SLC9A7: variants seen among roughly 807,000 people sequenced by gnomAD.
SLC9A7 encodes the protein sodium/hydrogen exchanger 7.
Under a neutral mutation model 52.6 loss-of-function variants are expected in SLC9A7, and 19 were observed. The observed-to-expected ratio is 0.36, with a 90% CI of 0.25 to 0.53. The LOEUF (loss-of-function observed/expected upper bound fraction) is 0.53. SLC9A7 is among the 20% of genes least tolerant of loss of function. SLC9A7 has a pLI of 0.91. For missense variants in SLC9A7, 455 were observed against 597.9 expected (o/e 0.76, Z 2.49); for synonymous variants, 226 against 252.1 (o/e 0.90, Z 0.98).
At chrX:46,679,351 T>C (rs1282649083) in intron 3 of SLC9A7, among the ~76,000 whole-genome samples, 1 of 112,786 alleles carries the variant, frequency 8.9e-6, no homozygotes, top group Non-Finnish European at 1.9e-5. Context: ...TGTAGGTTTT[T>C]ACGTGAACAT....
In SLC9A7 at chrX:46,672,588, C is replaced by A. The variant is rs1304139481; in HGVS notation, c.643G>T (p.Ala215Ser). The change falls in exon 4 of 17, where the codon GCC (alanine) becomes TCC (serine). Residue 215 changes from alanine (A) to serine (S), a missense_variant. Around this residue, in one of 3 missense-constraint regions of SLC9A7, gnomAD observed 304 missense variants for 417.8 expected, o/e 0.73. Transcript: ENST00000616978. ...CATGAAACAGCAGTCCCCAAGAAGG[C>A]ATAGGCCAGTATAGATCCAAGATTT... ...FRNLGSILAY[A>S]FLGTAVSCFI... is the part of the protein sequence containing the mutation. 6 of 1,206,097 alleles carry A rather than the reference C, an allele frequency of 5.0e-6. No homozygotes were observed. In the Admixed American group the frequency reaches 1.3e-4, roughly 26 times the overall value.
At chrX:46,731,332 C>T (rs1945034580) in intron 1 of SLC9A7, among the ~76,000 whole-genome samples, 1 of 108,217 alleles carries the variant, frequency 9.2e-6, no homozygotes, top group Admixed American at 1.0e-4. Flanking sequence ...TGGCTTATGC[C>T]TGTAATCCCA....
chrX:46,677,266 G>A (rs913516699), intron 3 of SLC9A7, among the ~76,000 whole-genome samples: 1 of 111,796 alleles, frequency 8.9e-6, no homozygotes, highest in South Asian at 3.7e-4. Context: ...GCAGCTTTGC[G>A]CAGGCCCAAC....
intron 1 of SLC9A7, among the ~76,000 whole-genome samples, chrX:46,724,415 A>G (rs2146964343): frequency 8.9e-6 from 1 of 112,392 alleles, no homozygotes; most frequent in South Asian, 3.7e-4. Flanking sequence ...GAGTGGAGTT[A>G]TAGGCTAAAA....
chrX:46,640,545 T>C (rs1455004516), intron 12 of SLC9A7, among the ~76,000 whole-genome samples: 1 of 111,819 alleles, frequency 8.9e-6, no homozygotes. Context: ...AAAAAAATGA[T>C]AAATTATAAA....
At chrX:46,686,033 G>A (rs1018783002) in intron 1 of SLC9A7, among the ~76,000 whole-genome samples, 21 of 112,078 alleles carry the variant, frequency 1.9e-4, no homozygotes, top group African/African-American at 6.5e-4. Context: ...ACAAGAGAGG[G>A]TTTATATTTG....
chrX:46,662,236 T>C, intron 6 of SLC9A7, 79 bp from the exon 7 acceptor site: 2 of 924,564 alleles, frequency 2.2e-6, no homozygotes, highest in East Asian at 3.3e-5. Flanking sequence ...TCGACAAACA[T>C]AGGTCTATCT....
chrX:46,747,551 T>C (rs185050799), intron 1 of SLC9A7, among the ~76,000 whole-genome samples: 1 of 111,323 alleles, frequency 9.0e-6, no homozygotes, highest in African/African-American at 3.3e-5. Flanking sequence ...TTTTCCTACA[T>C]GATTAAAAAA....
At chrX:46,686,213 C>T (rs1276301401) in intron 1 of SLC9A7, among the ~76,000 whole-genome samples, 2 of 111,795 alleles carry the variant, frequency 1.8e-5, no homozygotes, top group Non-Finnish European at 3.8e-5. Context: ...AGGGAGACAG[C>T]GAAGGTGGTG....
intron 1 of SLC9A7, among the ~76,000 whole-genome samples, chrX:46,730,185 T>A (rs1240125728): frequency 9.0e-6 from 1 of 111,468 alleles, no homozygotes; most frequent in Non-Finnish European, 1.9e-5. Flanking sequence ...ACAATGTTGA[T>A]TTCTTACATT....
At chrX:46,615,466 G>A (rs1258208740) in intron 15 of SLC9A7, among the ~76,000 whole-genome samples, 1 of 110,315 alleles carries the variant, frequency 9.1e-6, no homozygotes, top group African/African-American at 3.3e-5. Context: ...GTTTTCTTGT[G>A]TCTTTGGCTC....
chrX:46,663,646 A>AGATTAATTAGATTTTATAAATTCC (rs1320195428), intron 5 of SLC9A7, among the ~76,000 whole-genome samples: 2 of 100,799 alleles, frequency 2.0e-5, no homozygotes, highest in Admixed American at 1.1e-4. Flanking sequence ...CTCAAAAAAA[A>AGATTAATTAGATTTTATAAATTCC]AAAAAAAAAA....
chrX:46,617,892 T>A (rs1942978889), intron 15 of SLC9A7, among the ~76,000 whole-genome samples: 1 of 111,925 alleles, frequency 8.9e-6, no homozygotes. Flanking sequence ...ATAGTCCACA[T>A]GGCTTGAAAA....
rs372101417 is a variant in SLC9A7, at chrX:46,667,384, G to GT, written c.793+2222dup. Among the ~76,000 whole-genome samples the GT allele has an allele frequency of 1.8e-3, 185 of 105,026 alleles. 2 individuals carry two copies. The highest frequency in any genetic ancestry group is 3.7e-3 in the Admixed American group (36 of 9,777). 91.2% of individuals were successfully genotyped at this position (105,026 alleles called of 115,157 possible). A position where few individuals can be genotyped will look rare whatever the true frequency, so the allele number is the denominator to read the frequency against. The stretch of plus-strand genomic sequence containing the variant: ...AAATATGAGGGTAAGAGAGGTCAAT[G>GT]TTTTTTTTTTTGAACATTGAGATTC... On this transcript the variant is annotated intron_variant, in intron 5 of 16. Coordinates refer to ENST00000616978, the MANE Select transcript of SLC9A7 (RefSeq NM_001257291.2).
chrX:46,650,121 G>T (rs1210211742), intron 10 of SLC9A7, among the ~76,000 whole-genome samples: 1 of 111,943 alleles, frequency 8.9e-6, no homozygotes, highest in Non-Finnish European at 1.9e-5. Flanking sequence ...CAGCAGCTTG[G>T]TGAGTGTCAG....
At chrX:46,662,954 T>C (rs1389677813) in intron 5 of SLC9A7, among the ~76,000 whole-genome samples, 1 of 112,794 alleles carries the variant, frequency 8.9e-6, no homozygotes, top group Non-Finnish European at 1.9e-5. Flanking sequence ...CAATGTGATT[T>C]GGCTTCACCA....
intron 1 of SLC9A7, among the ~76,000 whole-genome samples, chrX:46,756,719 T>A (rs1922693418): frequency 8.9e-6 from 1 of 112,354 alleles, no homozygotes; most frequent in South Asian, 3.6e-4. Flanking sequence ...GAAACACTAA[T>A]ACTCAAAGAT....
intron 15 of SLC9A7, among the ~76,000 whole-genome samples, chrX:46,614,268 C>T (rs1259335868): frequency 1.8e-5 from 2 of 111,999 alleles, no homozygotes; most frequent in Non-Finnish European, 3.8e-5. Context: ...GCCCAGGTTA[C>T]ATCAAATGTG....
intron 5 of SLC9A7, among the ~76,000 whole-genome samples, chrX:46,668,268 G>C (rs1171455266): frequency 8.9e-6 from 1 of 111,954 alleles, no homozygotes; most frequent in Non-Finnish European, 1.9e-5. Flanking sequence ...CCAGCACTTT[G>C]GGAGGCCGAG....
Sources: allele counts gnomAD v4.1 joint callset (sites outside exome capture counted in the v4.1 genomes callset), GRCh38; gene constraint gnomAD v4.1.1; regional missense constraint gnomAD v4.1.1; transcripts MANE v1.5; gene names NCBI Gene and HGNC (gene_info 2026-07-23, HGNC 2026-07-21).